Variants in ROBO1 observed in about 807,000 individuals in gnomAD.
ROBO1 encodes roundabout guidance receptor 1.
In ROBO1, 149 loss-of-function variants were observed where a neutral mutation model predicts 195.9. The ratio of observed to expected loss-of-function variants is 0.76; its 90% confidence interval spans 0.67 to 0.87. The LOEUF is 0.87. Among genes scored for constraint, ROBO1 ranks in the 40% least tolerant of loss-of-function variants. ROBO1 has a pLI of 0.00. For synonymous variants in ROBO1, 816 were observed against 733.2 expected, an observed-to-expected ratio of 1.11 and a Z score of -1.82; for missense variants, 1,933 against 2,068.3, an observed-to-expected ratio of 0.93 and a Z score of 1.27.
At chr3:79,358,336 C>A (rs989823670) in intron 2 of ROBO1, among the ~76,000 whole-genome samples, 2 of 151,982 alleles carry the variant, frequency 1.3e-5, no homozygotes, top group African/African-American at 4.8e-5. Flanking sequence ...AGTGTTAAGT[C>A]ATCGGGGTCC....
At chr3:78,736,852 A>T (rs1054375063) in intron 5 of ROBO1, among the ~76,000 whole-genome samples, 1 of 152,136 alleles carries the variant, frequency 6.6e-6, no homozygotes, top group East Asian at 1.9e-4. Context: ...TAATTATTTA[A>T]ATAAAATTGC....
At chr3:79,504,979 C>G (rs532337730) in intron 2 of ROBO1, among the ~76,000 whole-genome samples, 10 of 151,790 alleles carry the variant, frequency 6.6e-5, no homozygotes, top group Admixed American at 2.0e-4. Flanking sequence ...AAGGTATATC[C>G]CATTTTGCAG....
intron 2 of ROBO1, among the ~76,000 whole-genome samples, chr3:79,167,483 T>G (rs758507863): frequency 6.6e-6 from 1 of 152,214 alleles, no homozygotes; most frequent in Non-Finnish European, 1.5e-5. Context: ...ATAACACCTG[T>G]AATGACTGTC....
chr3:78,819,307 A>G (rs1210443560), intron 4 of ROBO1, among the ~76,000 whole-genome samples: 7 of 151,924 alleles, frequency 4.6e-5, no homozygotes, highest in African/African-American at 1.7e-4. Context: ...GTTTATCTTT[A>G]ATTACCCCAA....
chr3:78,739,286 T>C (rs909971249), intron 5 of ROBO1, among the ~76,000 whole-genome samples: 1 of 152,186 alleles, frequency 6.6e-6, no homozygotes, highest in Non-Finnish European at 1.5e-5. Flanking sequence ...TTTTACTGTA[T>C]TTTATTATAT....
At chr3:79,604,786 T>A (rs1036655826) in intron 1 of ROBO1, among the ~76,000 whole-genome samples, 12 of 149,402 alleles carry the variant, frequency 8.0e-5, no homozygotes, top group Admixed American at 6.7e-5. Flanking sequence ...CAAAGAGTTA[T>A]TTTTTTGTTT....
At chr3:78,980,605 A>G (rs1319582394) in intron 3 of ROBO1, among the ~76,000 whole-genome samples, 1 of 152,196 alleles carries the variant, frequency 6.6e-6, no homozygotes, top group Non-Finnish European at 1.5e-5. Flanking sequence ...TTCATTTAAC[A>G]CAAACACCGT....
At chr3:79,016,993 T>G (rs556069822) in intron 3 of ROBO1, among the ~76,000 whole-genome samples, 4 of 152,252 alleles carry the variant, frequency 2.6e-5, no homozygotes. Context: ...AAATAAGGCA[T>G]TACAGAAGGA....
intron 1 of ROBO1, among the ~76,000 whole-genome samples, chr3:79,665,007 GA>G (rs1294225713): frequency 3.3e-5 from 5 of 151,864 alleles, no homozygotes; most frequent in Non-Finnish European, 7.4e-5. Flanking sequence ...TTTTCTTACT[GA>G]AATAACTTAA....
chr3:79,661,326 T>C (rs1415339562), intron 1 of ROBO1, among the ~76,000 whole-genome samples: 1 of 152,088 alleles, frequency 6.6e-6, no homozygotes, highest in Non-Finnish European at 1.5e-5. Flanking sequence ...AAATACACCT[T>C]AATAAGCAAC....
At chr3:79,541,873 G>T (rs570572243) in intron 2 of ROBO1, among the ~76,000 whole-genome samples, 1 of 150,132 alleles carries the variant, frequency 6.7e-6, no homozygotes, top group East Asian at 2.0e-4. Context: ...AGAGAGAGAG[G>T]TAATATAGTA....
chr3:79,346,819 T>A (rs2035137245), intron 2 of ROBO1, among the ~76,000 whole-genome samples: 1 of 151,856 alleles, frequency 6.6e-6, no homozygotes, highest in Non-Finnish European at 1.5e-5. Context: ...TGGTCTAGGA[T>A]AATAAGCATA....
intron 1 of ROBO1, among the ~76,000 whole-genome samples, chr3:79,725,800 T>C (rs1293096653): frequency 1.3e-5 from 2 of 152,146 alleles, no homozygotes; most frequent in African/African-American, 4.8e-5. Flanking sequence ...GACTTTTAAC[T>C]GATACTGAAT....
At chr3:78,607,801 A>T (rs1295722582) in intron 28 of ROBO1, among the ~76,000 whole-genome samples, 1 of 152,116 alleles carries the variant, frequency 6.6e-6, no homozygotes, top group Non-Finnish European at 1.5e-5. Context: ...TATTTTGTAG[A>T]GAAGGAAGCT....
chr3:78,950,090 G>T (rs1165190392), intron 3 of ROBO1, among the ~76,000 whole-genome samples: 1 of 152,144 alleles, frequency 6.6e-6, no homozygotes, highest in Non-Finnish European at 1.5e-5. Flanking sequence ...AACCATTGTG[G>T]AAGTCCGTGT....
intron 3 of ROBO1, among the ~76,000 whole-genome samples, chr3:78,941,313 ACTCT>A (rs1355328204): frequency 1.3e-5 from 2 of 152,116 alleles, no homozygotes; most frequent in Non-Finnish European, 2.9e-5. Flanking sequence ...GGAAACTTAT[ACTCT>A]CTAAGGCTAT....
intron 1 of ROBO1, among the ~76,000 whole-genome samples, chr3:79,730,768 C>CTTTT (rs66527491): frequency 5.2e-5 from 5 of 95,518 alleles, no homozygotes; most frequent in Non-Finnish European, 8.2e-5. Context: ...CCTGTATTTC[C>CTTTT]TTTTTTTTTT....
intron 10 of ROBO1, among the ~76,000 whole-genome samples, chr3:78,678,746 A>G (rs574280990): frequency 6.6e-6 from 1 of 152,332 alleles, no homozygotes; most frequent in African/African-American, 2.4e-5. Flanking sequence ...TACCAGAGGT[A>G]CAAGGACGAA....
chr3:79,213,816 CTTTTTTTTTTTTT>C (rs59942369), intron 2 of ROBO1, among the ~76,000 whole-genome samples: 1 of 74,590 alleles, frequency 1.3e-5, no homozygotes, highest in African/African-American at 4.3e-5. Context: ...TCTCCCCTTT[CTTTTTTTTTTTTT>C]TTTTTTTTTT....
Sources: gnomAD v4.1 joint callset for allele counts (sites outside exome capture counted in the v4.1 genomes callset) on GRCh38, gnomAD v4.1.1 for gene constraint, MANE v1.5 for transcripts, NCBI Gene and HGNC (gene_info 2026-07-23, HGNC 2026-07-21) for gene names.